The following GRM7 variants were observed in gnomAD, a reference collection of about 807,000 sequenced individuals.
GRM7 encodes the protein glutamate metabotropic receptor 7, also known as metabotropic glutamate receptor 7.
Under a neutral mutation model 84.5 loss-of-function variants are expected in GRM7, and 35 were observed. That is an observed-to-expected ratio of 0.41 (90% CI 0.32 to 0.55). The LOEUF is 0.55. Ranked by LOEUF, GRM7 falls within the 20% of genes least tolerant of loss-of-function variation. GRM7 has a pLI of 0.19. For missense variants in GRM7, 1,003 were observed against 1,194.6 expected (o/e 0.84, Z 2.36); for synonymous variants, 487 against 455.1 (o/e 1.07, Z -0.89).
chr3:7,500,548 A>G (rs893768397), intron 7 of GRM7, among the ~76,000 whole-genome samples: 7 of 152,366 alleles, frequency 4.6e-5, no homozygotes, highest in Middle Eastern at 3.4e-3. Context: ...TTGGTTGCCC[A>G]GAGGCCTGGA....
chr3:7,517,994 G>A (rs1700454793), intron 7 of GRM7, among the ~76,000 whole-genome samples: 1 of 152,174 alleles, frequency 6.6e-6, no homozygotes, highest in African/African-American at 2.4e-5. Context: ...CACTCATTTT[G>A]TCATAAAAGA....
At chr3:6,878,004 TGAA>T (rs1304334581) in intron 1 of GRM7, among the ~76,000 whole-genome samples, 3 of 152,040 alleles carry the variant, frequency 2.0e-5, no homozygotes, top group Admixed American at 2.0e-4. Flanking sequence ...ATATATTTGC[TGAA>T]GAAAATATTT....
intron 7 of GRM7, among the ~76,000 whole-genome samples, chr3:7,542,550 AAT>A (rs1692933804): frequency 3.3e-5 from 4 of 120,164 alleles, no homozygotes; most frequent in African/African-American, 6.7e-5. Context: ...CATGCATAGC[AAT>A]TTTTTTTTTT....
At chr3:7,245,935 A>C (rs1430482025) in intron 2 of GRM7, among the ~76,000 whole-genome samples, 1 of 152,096 alleles carries the variant, frequency 6.6e-6, no homozygotes, top group Non-Finnish European at 1.5e-5. Context: ...TTTAGTAGTA[A>C]ATTGAGCAAA....
At chr3:7,722,814 G>A (rs1410893408) in intron 9 of GRM7, among the ~76,000 whole-genome samples, 2 of 151,876 alleles carry the variant, frequency 1.3e-5, no homozygotes, top group African/African-American at 4.8e-5. Flanking sequence ...ATTAGAGACA[G>A]GGTCTCACTC....
At chr3:7,352,429 G>A (rs1693202564) in intron 4 of GRM7, among the ~76,000 whole-genome samples, 1 of 152,062 alleles carries the variant, frequency 6.6e-6, no homozygotes, top group African/African-American at 2.4e-5. Flanking sequence ...TAAGCTCTGG[G>A]ATTTGAACTC....
At chr3:6,956,239 G>A (rs1553601165) in intron 1 of GRM7, among the ~76,000 whole-genome samples, 2 of 152,136 alleles carry the variant, frequency 1.3e-5, no homozygotes, top group Non-Finnish European at 1.5e-5. Context: ...CATTGTAGTC[G>A]GAAAGATTCT....
chr3:7,340,843 T>C (rs955277180), intron 4 of GRM7, among the ~76,000 whole-genome samples: 7 of 152,148 alleles, frequency 4.6e-5, no homozygotes, highest in Non-Finnish European at 1.0e-4. Context: ...CCAGCTTGAA[T>C]TATCTTTGCA....
intron 1 of GRM7, among the ~76,000 whole-genome samples, chr3:7,104,600 T>C (rs144890241): frequency 6.6e-6 from 1 of 151,590 alleles, no homozygotes; most frequent in African/African-American, 2.4e-5. Context: ...TAATTGCCAG[T>C]TTTTTTTGTT....
chr3:7,537,070 C>T (rs956566873), intron 7 of GRM7, among the ~76,000 whole-genome samples: 3 of 152,084 alleles, frequency 2.0e-5, no homozygotes, highest in African/African-American at 7.2e-5. Flanking sequence ...AAGAAGTTTA[C>T]AGCACACACC....
intron 1 of GRM7, among the ~76,000 whole-genome samples, chr3:7,126,810 A>C (rs9814766): frequency 0.29 from 44,660 of 151,900 alleles, 6,911 homozygotes; most frequent in African/African-American, 0.39. Context: ...ATGGCCCATC[A>C]TATATCTCTA....
intron 4 of GRM7, among the ~76,000 whole-genome samples, chr3:7,342,516 T>G (rs1252179853): frequency 6.6e-6 from 1 of 152,188 alleles, no homozygotes. Flanking sequence ...ATGAAACTTA[T>G]TTTTTATCTC....
chr3:7,434,226 T>C (rs538271174), intron 5 of GRM7, among the ~76,000 whole-genome samples: 1 of 152,324 alleles, frequency 6.6e-6, no homozygotes, highest in East Asian at 1.9e-4. Flanking sequence ...GTAGATTTCT[T>C]AGAATTTTTA....
intron 4 of GRM7, among the ~76,000 whole-genome samples, chr3:7,355,224 A>C (rs891993395): frequency 6.6e-6 from 1 of 152,278 alleles, no homozygotes; most frequent in South Asian, 2.1e-4. Context: ...CCTACAAACA[A>C]GGAAGAGGCA....
chr3:7,440,108 A>T (rs1391537732), intron 5 of GRM7, among the ~76,000 whole-genome samples: 1 of 152,202 alleles, frequency 6.6e-6, no homozygotes, highest in Non-Finnish European at 1.5e-5. Flanking sequence ...AGAGCTTAGC[A>T]GATACAGGAT....
chr3:7,570,629 G>A (rs999947384), intron 7 of GRM7, among the ~76,000 whole-genome samples: 2 of 152,182 alleles, frequency 1.3e-5, no homozygotes, highest in African/African-American at 4.8e-5. Context: ...CTGCTTTCAT[G>A]GGCTGGCATT....
At chr3:7,434,577 G>C (rs1696965263) in intron 5 of GRM7, among the ~76,000 whole-genome samples, 1 of 152,038 alleles carries the variant, frequency 6.6e-6, no homozygotes, top group Non-Finnish European at 1.5e-5. Flanking sequence ...TTATTTTTTA[G>C]TTGATATCAC....
Position 7,622,794 on chromosome 3 carries a change from A to C in GRM7, c.2451+43437A>C, listed in dbSNP as rs116355386. ...AGAAGAGGGATGTAAAGTGAAAGAG[A>C]GCATGGACAAACCAGAGTCCATGAG... On this transcript the variant is annotated intron_variant, in intron 8 of 9. Transcript: ENST00000357716. Among the ~76,000 whole-genome samples, 114 of 152,102 alleles carry C rather than the reference A, an allele frequency of 7.5e-4. 1 individual carries two copies. The highest frequency in any genetic ancestry group is 2.6e-3 in the African/African-American group (108 of 41,460).
intron 2 of GRM7, among the ~76,000 whole-genome samples, chr3:7,214,768 T>C (rs556562259): frequency 1.2e-3 from 178 of 152,262 alleles, no homozygotes; most frequent in African/African-American, 4.2e-3. Flanking sequence ...TACAATTGGG[T>C]AGTGACTGGA....
Sources: gnomAD v4.1 joint callset for allele counts (sites outside exome capture counted in the v4.1 genomes callset) on GRCh38, gnomAD v4.1.1 for gene constraint, MANE v1.5 for transcripts, NCBI Gene and HGNC (gene_info 2026-07-23, HGNC 2026-07-21) for gene names.